The following NXPE2 variants were observed in gnomAD, a reference collection of about 807,000 sequenced individuals.
NXPE2 encodes the protein NXPE family member 2.
NXPE2 carries 34 observed loss-of-function variants against 34.4 expected under a neutral mutation model. The observed-to-expected ratio is 0.99, with a 90% CI of 0.75 to 1.31. The LOEUF is 1.31. Ranked by LOEUF, NXPE2 falls within the 40% of genes most tolerant of loss-of-function variation. The pLI is 0.00. For missense variants in NXPE2, 649 were observed against 672.5 expected (o/e 0.97, Z 0.39); for synonymous variants, 235 against 231.3 (o/e 1.02, Z -0.15).
chr11:114,625,293 A>G, the NXPE2 span, among the ~76,000 whole-genome samples: 13,977 of 152,178 alleles, frequency 0.092, 761 homozygotes, highest in Middle Eastern at 0.2. Flanking sequence ...ATGCGTAACC[A>G]CAGTTACCCA....
chr11:114,791,180 T>C, the NXPE2 span, among the ~76,000 whole-genome samples: 1 of 150,272 alleles, frequency 6.7e-6, no homozygotes, highest in South Asian at 2.1e-4. Context: ...TGATTCCGTT[T>C]GAAAAAAAAA....
the NXPE2 span, among the ~76,000 whole-genome samples, chr11:114,730,456 A>G: frequency 6.6e-6 from 1 of 152,176 alleles, no homozygotes; most frequent in Non-Finnish European, 1.5e-5. Flanking sequence ...TGGTACTTTA[A>G]TAGGAATAGC....
chr11:114,663,678 T>TATCTATCTATC, the NXPE2 span, among the ~76,000 whole-genome samples: 6 of 145,940 alleles, frequency 4.1e-5, no homozygotes, highest in Admixed American at 2.1e-4. Context: ...ATCTATCTAT[T>TATCTATCTATC]TATCTATCTA....
the NXPE2 span, among the ~76,000 whole-genome samples, chr11:114,781,864 C>A: frequency 6.6e-6 from 1 of 152,122 alleles, no homozygotes; most frequent in Non-Finnish European, 1.5e-5. Flanking sequence ...TCAACTGGTT[C>A]ATCTGGAGTA....
chr11:114,540,837 C>CGTTTTTT, the NXPE2 span, among the ~76,000 whole-genome samples: 1 of 47,416 alleles, frequency 2.1e-5, no homozygotes, highest in Non-Finnish European at 4.7e-5. Flanking sequence ...AGAAAGCCAT[C>CGTTTTTT]TTTTTTTTTT....
the NXPE2 span, among the ~76,000 whole-genome samples, chr11:114,721,050 C>T: frequency 6.6e-6 from 1 of 152,112 alleles, no homozygotes; most frequent in East Asian, 1.9e-4. Context: ...TATAGGAAAT[C>T]CCCTGCTCCT....
chr11:114,591,665 C>G, the NXPE2 span, among the ~76,000 whole-genome samples: 1 of 152,148 alleles, frequency 6.6e-6, no homozygotes. Context: ...GCAAGCTGTA[C>G]TTTCCAGCCT....
chr11:114,618,960 G>A, the NXPE2 span, among the ~76,000 whole-genome samples: 3 of 152,152 alleles, frequency 2.0e-5, no homozygotes, highest in African/African-American at 7.2e-5. Context: ...AGTACCGCAT[G>A]GGTAAACACT....
the NXPE2 span, among the ~76,000 whole-genome samples, chr11:114,611,361 G>A: frequency 2.7e-5 from 4 of 150,308 alleles, no homozygotes; most frequent in Admixed American, 1.3e-4. Context: ...ACTGTTACCC[G>A]GTGGATAATA....
the NXPE2 span, among the ~76,000 whole-genome samples, chr11:114,587,715 C>G: frequency 2.0e-5 from 3 of 152,206 alleles, no homozygotes; most frequent in African/African-American, 7.2e-5. Flanking sequence ...CTAGGCCTTT[C>G]CAAAGGAAAC....
chr11:114,703,448 C>T (rs542109735), intron 3 of NXPE2, among the ~76,000 whole-genome samples: 1 of 152,080 alleles, frequency 6.6e-6, no homozygotes, highest in African/African-American at 2.4e-5. Context: ...GAGAATTTAC[C>T]CCATAACTGT....
the NXPE2 span, among the ~76,000 whole-genome samples, chr11:114,746,650 G>T: frequency 6.6e-6 from 1 of 152,120 alleles, no homozygotes; most frequent in Non-Finnish European, 1.5e-5. Flanking sequence ...AGGAGATCGA[G>T]ACCATCCTGG....
chr11:114,506,465 C>A, the NXPE2 span, among the ~76,000 whole-genome samples: 1 of 151,946 alleles, frequency 6.6e-6, no homozygotes, highest in African/African-American at 2.4e-5. Context: ...ACTTTTAAAT[C>A]GATCACATAA....
chr11:114,676,517 C>T (rs1468888544), upstream of NXPE2, among the ~76,000 whole-genome samples: 2 of 151,784 alleles, frequency 1.3e-5, no homozygotes, highest in African/African-American at 4.8e-5. Context: ...AATGTCAAGC[C>T]TCACTAATCA....
the NXPE2 span, among the ~76,000 whole-genome samples, chr11:114,771,769 T>C: frequency 6.6e-6 from 1 of 152,272 alleles, no homozygotes; most frequent in East Asian, 1.9e-4. Flanking sequence ...CTCTTTCCAT[T>C]GTGGCCTTAG....
chr11:114,486,765 A>G, the NXPE2 span, among the ~76,000 whole-genome samples: 8 of 152,012 alleles, frequency 5.3e-5, no homozygotes, highest in Admixed American at 1.3e-4. Context: ...CCTTTCCCCA[A>G]TGTATATTCT....
At chr11:114,583,766 T>C in the NXPE2 span, 2 of 470,852 alleles carry the variant, frequency 4.2e-6, no homozygotes, top group Non-Finnish European at 8.3e-6. Flanking sequence ...GAGGGTGTTG[T>C]ATGTTGACGT....
At chr11:114,542,192 CTTTTT>C in the NXPE2 span, among the ~76,000 whole-genome samples, 244 of 152,070 alleles carry the variant, frequency 1.6e-3, no homozygotes, top group African/African-American at 5.5e-3. Flanking sequence ...ATTTTCTTTA[CTTTTT>C]AACATCAATA....
At chr11:114,556,909 T>TTTC in the NXPE2 span, among the ~76,000 whole-genome samples, 2 of 151,872 alleles carry the variant, frequency 1.3e-5, no homozygotes, top group Non-Finnish European at 2.9e-5. Flanking sequence ...TTTTTTTTTT[T>TTTC]TGAGACAGAG....
Sources: gnomAD v4.1 joint callset for allele counts (sites outside exome capture counted in the v4.1 genomes callset) on GRCh38, gnomAD v4.1.1 for gene constraint, MANE v1.5 for transcripts, NCBI Gene and HGNC (gene_info 2026-07-23, HGNC 2026-07-21) for gene names.